The following MBP variants were observed in gnomAD, a reference collection of about 807,000 sequenced individuals.
MBP encodes the protein myelin basic protein.
A neutral mutation model predicts 35.8 loss-of-function variants in MBP; 16 were observed. The ratio of observed to expected loss-of-function variants is 0.45; its 90% CI spans 0.30 to 0.68. The LOEUF (loss-of-function observed/expected upper bound fraction) is 0.68. MBP is among the 30% of genes least tolerant of loss of function. The probability of loss-of-function intolerance (pLI) is 0.08; values close to 1 mark genes in which losing one functional copy is unlikely to be tolerated. For synonymous variants in MBP, 143 were observed against 159.6 expected (o/e 0.90, Z 0.78); for missense variants, 380 against 404.7 (o/e 0.94, Z 0.52).
At chr18:77,080,387 G>T (rs918620077) in intron 2 of MBP, among the ~76,000 whole-genome samples, 15 of 152,262 alleles carry the variant, frequency 9.9e-5, no homozygotes, top group African/African-American at 3.4e-4. Context: ...GCCACACTGG[G>T]CTCCTCACCT....
At chr18:77,029,283 C>G (rs982345965) in intron 3 of MBP, among the ~76,000 whole-genome samples, 1 of 149,656 alleles carries the variant, frequency 6.7e-6, no homozygotes, top group Non-Finnish European at 1.5e-5. Context: ...TGGCGGCGCG[C>G]GCCTGCAATC....
chr18:76,980,614 G>C (rs1479475628), intron 8 of MBP, 143 bp from the exon 9 acceptor site: 2 of 658,278 alleles, frequency 3.0e-6, no homozygotes, highest in African/African-American at 3.6e-5. Flanking sequence ...CCGGAGAGCT[G>C]GTCTTTTCAT....
chr18:77,095,879 G>T (rs1040973177), intron 2 of MBP, among the ~76,000 whole-genome samples: 1 of 152,190 alleles, frequency 6.6e-6, no homozygotes, highest in African/African-American at 2.4e-5. Flanking sequence ...GCACCATTTG[G>T]GCCTGAGGAC....
At chr18:77,049,434 T>G (rs1973392609) in intron 3 of MBP, among the ~76,000 whole-genome samples, 1 of 152,228 alleles carries the variant, frequency 6.6e-6, no homozygotes, top group Non-Finnish European at 1.5e-5. Context: ...TCTTTTGGAA[T>G]TTCTGCAAGT....
chr18:77,065,136 G>C (rs951822854), intron 3 of MBP, among the ~76,000 whole-genome samples: 10 of 152,124 alleles, frequency 6.6e-5, no homozygotes, highest in African/African-American at 2.2e-4. Context: ...ATTATATCTT[G>C]GTTCATTTTC....
At chr18:77,113,920 C>T (rs1390481317) in intron 1 of MBP, 1 of 152,242 alleles carries the variant, frequency 6.6e-6, no homozygotes, top group Non-Finnish European at 1.5e-5. Flanking sequence ...CCATGTCTGT[C>T]CTACAGCAAG....
intron 3 of MBP, among the ~76,000 whole-genome samples, chr18:77,034,932 T>G (rs1463650530): frequency 6.6e-6 from 1 of 152,232 alleles, no homozygotes; most frequent in Non-Finnish European, 1.5e-5. Flanking sequence ...TGCTGCATGA[T>G]GTCAAAAGCT....
rs1206825594 is a variant in MBP, at chr18:77,132,746, C to G, written c.-192G>C. The G allele has an allele frequency of 1.3e-5, 2 of 152,090 alleles. No individual in the cohort carries two copies. The highest frequency in any genetic ancestry group is 1.5e-5 in the Non-Finnish European group (1 of 68,094). The allele number at this position is 152,090 out of a possible 1,614,324, so 9.4% of individuals were successfully genotyped here. A position where few individuals can be genotyped will look rare whatever the true frequency, so the allele number is the denominator to read the frequency against. On this transcript the variant is annotated 5_prime_UTR_variant, in exon 1 of 9. Coordinates refer to ENST00000355994, the MANE Select transcript of MBP (RefSeq NM_001025101.2). Reference sequence around the variant, plus strand: ...GTCGGGAGACAGGGGCCGCCGGGGCCGGAGGCTGCTTCTCTCTGGCGCGCG... The same window carrying G: ...GTCGGGAGACAGGGGCCGCCGGGGCGGGAGGCTGCTTCTCTCTGGCGCGCG...
At chr18:76,997,770 C>G (rs1353208621) in intron 4 of MBP, among the ~76,000 whole-genome samples, 1 of 151,062 alleles carries the variant, frequency 6.6e-6, no homozygotes, top group Non-Finnish European at 1.5e-5. Context: ...GCAAGCTCCG[C>G]CTCCCGGGTT....
chr18:76,997,104 C>A (rs768663691), intron 4 of MBP, among the ~76,000 whole-genome samples: 1 of 152,162 alleles, frequency 6.6e-6, no homozygotes, highest in Non-Finnish European at 1.5e-5. Flanking sequence ...TGGCTGCAAC[C>A]CTCATCTGGC....
intron 2 of MBP, chr18:77,097,453 T>A (rs1306693285): frequency 1.3e-5 from 2 of 152,210 alleles, no homozygotes; most frequent in Non-Finnish European, 2.9e-5. Context: ...TTCCGCAGGA[T>A]GTTGCTGCTC....
At chr18:77,051,607 C>G (rs1222904531) in intron 3 of MBP, among the ~76,000 whole-genome samples, 2 of 152,164 alleles carry the variant, frequency 1.3e-5, no homozygotes, top group Non-Finnish European at 2.9e-5. Context: ...TCACTGAACT[C>G]TTATCACTAA....
At chr18:77,117,755 G>A (rs572692960) in intron 1 of MBP, among the ~76,000 whole-genome samples, 1 of 124,992 alleles carries the variant, frequency 8.0e-6, no homozygotes, top group South Asian at 3.0e-4. Flanking sequence ...AGTGGGATAG[G>A]GGACGGTGCG....
At chr18:77,092,867 C>T (rs1404136033) in intron 2 of MBP, among the ~76,000 whole-genome samples, 8 of 152,204 alleles carry the variant, frequency 5.3e-5, no homozygotes, top group African/African-American at 1.4e-4. Flanking sequence ...GAGAGACACG[C>T]CTGCTGCCCT....
chr18:77,055,603 T>C lies in MBP; in HGVS notation c.139+10695A>G, dbSNP rs573260100. Among the ~76,000 whole-genome samples the C allele has an allele frequency of 1.3e-3, 183 of 136,610 alleles. 2 individuals carry two copies. The highest frequency in any genetic ancestry group is 4.3e-3 in the African/African-American group (173 of 40,410). 89.6% of individuals were successfully genotyped at this position (136,610 alleles called of 152,430 possible). A position where few individuals can be genotyped will look rare whatever the true frequency, so the allele number is the denominator to read the frequency against. On this transcript the variant is annotated intron_variant, in intron 3 of 8. Transcript: ENST00000355994. Reference sequence around the variant, plus strand: ...TCTTTCTTTCTCTCTCTCTCTCTCTTTCTTTCTCTTTTTTTAACCTAGTAA... The same window carrying C: ...TCTTTCTTTCTCTCTCTCTCTCTCTCTCTTTCTCTTTTTTTAACCTAGTAA...
Position 77,018,013 on chromosome 18 carries a change from T to C in MBP, c.140-745A>G, listed in dbSNP as rs551638534. Reference sequence around the variant, plus strand: ...TTAGAGTGTTAGGTTTAAATAAATATCATTTAGTTAGTTTCCTCTCCAAAC... The same window carrying C: ...TTAGAGTGTTAGGTTTAAATAAATACCATTTAGTTAGTTTCCTCTCCAAAC... On this transcript the variant is annotated intron_variant, in intron 3 of 8. Transcript: ENST00000355994. Among the ~76,000 whole-genome samples the C allele has an allele frequency of 2.6e-5, 4 of 152,366 alleles. No individual in the cohort carries two copies. In the South Asian group the frequency reaches 8.3e-4, roughly 32 times the overall value.
intron 3 of MBP, among the ~76,000 whole-genome samples, chr18:77,019,892 G>A (rs1239815941): frequency 3.3e-5 from 5 of 152,198 alleles, no homozygotes; most frequent in Non-Finnish European, 5.9e-5. Context: ...CTGGGTCCAG[G>A]AGGATGGCCG....
At chr18:77,019,294 T>A (rs1182993835) in intron 3 of MBP, among the ~76,000 whole-genome samples, 1 of 152,180 alleles carries the variant, frequency 6.6e-6, no homozygotes, top group African/African-American at 2.4e-5. Flanking sequence ...TGGAAATAGA[T>A]CTTTGCAGGT....
intron 1 of MBP, among the ~76,000 whole-genome samples, chr18:77,117,783 T>A (rs1021577524): frequency 1.2e-3 from 38 of 31,786 alleles, no homozygotes; most frequent in South Asian, 6.7e-3. Flanking sequence ...GGGATGGGGG[T>A]CAGTGGGTTG....
Sources: gnomAD v4.1 joint callset for allele counts (sites outside exome capture counted in the v4.1 genomes callset) on GRCh38, gnomAD v4.1.1 for gene constraint, MANE v1.5 for transcripts, NCBI Gene and HGNC (gene_info 2026-07-23, HGNC 2026-07-21) for gene names.